The following SLC8A1 variants were observed in gnomAD, a reference collection of about 807,000 sequenced individuals.
The protein encoded by SLC8A1 is sodium/calcium exchanger 1.
In SLC8A1, 18 loss-of-function variants were observed where a neutral mutation model predicts 68.3. The ratio of observed to expected loss-of-function variants is 0.26; its 90% CI spans 0.18 to 0.39. The LOEUF (loss-of-function observed/expected upper bound fraction) is 0.39. SLC8A1 is among the 10% of genes least tolerant of loss of function. SLC8A1 has a pLI of 1.00. For missense variants in SLC8A1, 985 were observed against 1,156.7 expected, an observed-to-expected ratio of 0.85 and a Z score of 2.15; for synonymous variants, 475 against 415.5, an observed-to-expected ratio of 1.14 and a Z score of -1.74.
chr2:40,219,192 T>C (rs74744800), intron 2 of SLC8A1, among the ~76,000 whole-genome samples: 5,209 of 152,278 alleles, frequency 0.034, 309 homozygotes, highest in African/African-American at 0.12. Flanking sequence ...GATTAATCTT[T>C]AGAGGTGTGT....
intron 2 of SLC8A1, among the ~76,000 whole-genome samples, chr2:40,271,096 A>G (rs1224597188): frequency 1.3e-5 from 2 of 152,102 alleles, no homozygotes; most frequent in Admixed American, 6.5e-5. Context: ...ATCCTTAAAA[A>G]CACAATCACA....
chr2:40,290,730 A>C (rs1383481118), intron 2 of SLC8A1, among the ~76,000 whole-genome samples: 2 of 152,194 alleles, frequency 1.3e-5, no homozygotes, highest in South Asian at 2.1e-4. Flanking sequence ...AATACCCATT[A>C]CTACAGCTAT....
At chr2:40,207,792 A>G (rs2148752669) in intron 2 of SLC8A1, among the ~76,000 whole-genome samples, 1 of 152,242 alleles carries the variant, frequency 6.6e-6, no homozygotes, top group Non-Finnish European at 1.5e-5. Flanking sequence ...TGGTGAAACA[A>G]CTACCCTTTC....
At chr2:40,376,327 G>A (rs181222959) in intron 2 of SLC8A1, among the ~76,000 whole-genome samples, 11 of 152,106 alleles carry the variant, frequency 7.2e-5, no homozygotes, top group Admixed American at 3.3e-4. Context: ...AATAATCATG[G>A]TCACCTGGGA....
chr2:40,257,300 C>G (rs74415498), intron 2 of SLC8A1, among the ~76,000 whole-genome samples: 3,593 of 152,234 alleles, frequency 0.024, 155 homozygotes, highest in African/African-American at 0.081. Flanking sequence ...CTTCCCATGT[C>G]CCATTCACTT....
At chr2:40,436,648 A>T (rs1263232795) in intron 1 of SLC8A1, among the ~76,000 whole-genome samples, 2 of 152,124 alleles carry the variant, frequency 1.3e-5, no homozygotes, top group East Asian at 3.9e-4. Context: ...TCCTTCCAAT[A>T]CAATTAAAAG....
intron 2 of SLC8A1, among the ~76,000 whole-genome samples, chr2:40,421,109 C>T (rs935340195): frequency 5.3e-5 from 8 of 151,888 alleles, no homozygotes; most frequent in South Asian, 2.1e-4. Flanking sequence ...TCACCACTAC[C>T]GCCATCATCT....
chr2:40,413,726 A>G (rs1692927252), intron 2 of SLC8A1, among the ~76,000 whole-genome samples: 1 of 152,212 alleles, frequency 6.6e-6, no homozygotes, highest in African/African-American at 2.4e-5. Context: ...AGGGAGCTCA[A>G]AGGCATACAG....
rs13031545 is a variant in SLC8A1, at chr2:40,437,246, G to C, written c.-24-6942C>G. On this transcript the variant is annotated intron_variant, in intron 1 of 7. Coordinates refer to ENST00000406785, the Ensembl canonical transcript of SLC8A1. ...AAGTTAACAATGTTTTCTGGGGACA[G>C]AGAGCTCAAGATTTAGGTACTTAAC... Among the ~76,000 whole-genome samples the C allele has an allele frequency of 3.3e-5, 5 of 152,174 alleles. No individual in the cohort carries two copies. The South Asian group carries it at 8.3e-4, about 25-fold the overall frequency.
chr2:40,160,063 G>A (rs887261666), intron 6 of SLC8A1, among the ~76,000 whole-genome samples: 6 of 152,124 alleles, frequency 3.9e-5, no homozygotes, highest in African/African-American at 7.2e-5. Context: ...ATCCAAGGAC[G>A]GGGTTGCTTT....
rs184873395 is a variant in SLC8A1, at chr2:40,305,866, T to G, written c.1808+122607A>C. Among the ~76,000 whole-genome samples the G allele has an allele frequency of 3.3e-5, 5 of 152,314 alleles. 1 individual carries two copies. In the East Asian group the frequency reaches 9.6e-4, roughly 29 times the overall value. ...AAATATATTTTGTGAAACAGACCGT[T>G]TGTACTGCTTTTTTGACATTATATG... On this transcript the variant is annotated intron_variant, in intron 2 of 7. Transcript: ENST00000406785.
intron 7 of SLC8A1, among the ~76,000 whole-genome samples, chr2:40,116,076 A>G (rs1352697723): frequency 6.6e-6 from 1 of 152,182 alleles, no homozygotes; most frequent in Admixed American, 6.5e-5. Flanking sequence ...CTAGGTCACT[A>G]AAGTTTCGGA....
At chr2:40,483,751 T>C (rs78843805) in intron 1 of SLC8A1, among the ~76,000 whole-genome samples, 4,382 of 152,260 alleles carry the variant, frequency 0.029, 209 homozygotes, top group African/African-American at 0.097. Flanking sequence ...CTTCCCTCTT[T>C]GTCTTTTCTG....
chr2:40,361,887 C>CTTTTTTTTTTTTTTTTTTTTG (rs1674736044), intron 2 of SLC8A1, among the ~76,000 whole-genome samples: 1 of 53,104 alleles, frequency 1.9e-5, no homozygotes, highest in African/African-American at 8.9e-5. Flanking sequence ...CTTTTCTTTC[C>CTTTTTTTTTTTTTTTTTTTTG]TTTTTTTTTT....
intron 2 of SLC8A1, among the ~76,000 whole-genome samples, chr2:40,363,375 A>C (rs964000601): frequency 6.6e-6 from 1 of 152,112 alleles, no homozygotes; most frequent in Non-Finnish European, 1.5e-5. Flanking sequence ...ACTAACATTT[A>C]CTTAAACAGT....
chr2:40,226,515 T>C (rs536575947), intron 2 of SLC8A1, among the ~76,000 whole-genome samples: 1 of 152,246 alleles, frequency 6.6e-6, no homozygotes, highest in East Asian at 1.9e-4. Context: ...TGTACACAGA[T>C]CTTGCCTCTA....
intron 2 of SLC8A1, among the ~76,000 whole-genome samples, chr2:40,425,828 G>A (rs1425562293): frequency 6.6e-6 from 1 of 151,846 alleles, no homozygotes; most frequent in African/African-American, 2.4e-5. Flanking sequence ...TTTCTAAGCT[G>A]CTAAGAGGGC....
At chr2:40,386,276 T>G (rs1683511104) in intron 2 of SLC8A1, among the ~76,000 whole-genome samples, 1 of 151,280 alleles carries the variant, frequency 6.6e-6, no homozygotes, top group Admixed American at 6.6e-5. Flanking sequence ...AGTTTAGATA[T>G]TTTCCAGAAT....
rs375153822 is a variant in SLC8A1 at position 40,296,751 on chromosome 2, TG to T, written c.1809-118897del. 1.1e-3 allele frequency among the ~76,000 whole-genome samples: 168 copies of T among 152,362 alleles called. 1 individual carries two copies. Among genetic ancestry groups the T allele is most frequent in the African/African-American group, 3.9e-3 (164 of 41,592 alleles). ...TATGTTTGACTAATCCCCCATCCTG[TG>T]GGAAACGTTTGTTGATGCTGAAATT... On this transcript the variant is annotated intron_variant, in intron 2 of 7. Coordinates refer to ENST00000406785, the Ensembl canonical transcript of SLC8A1.
Sources: gnomAD v4.1 joint callset for allele counts (sites outside exome capture counted in the v4.1 genomes callset) on GRCh38, gnomAD v4.1.1 for gene constraint, MANE v1.5 for transcripts, NCBI Gene and HGNC (gene_info 2026-07-23, HGNC 2026-07-21) for gene names.